The following ASAP3 variants were observed in gnomAD, a reference collection of about 807,000 sequenced individuals.
The protein encoded by ASAP3 is ArfGAP with SH3 domain, ankyrin repeat and PH domain 3, also known as arf-GAP with SH3 domain, ANK repeat and PH domain-containing protein 3.
A neutral mutation model predicts 118.2 loss-of-function variants in ASAP3; 85 were observed. The ratio of observed to expected loss-of-function variants is 0.72; its 90% CI spans 0.60 to 0.86. ASAP3 has a LOEUF of 0.86. Among genes scored for constraint, ASAP3 ranks in the 40% least tolerant of loss-of-function variants. The pLI, the probability that ASAP3 is intolerant of heterozygous loss-of-function variation, is 0.00. For synonymous variants in ASAP3, 432 were observed against 477.4 expected, an observed-to-expected ratio of 0.90 and a Z score of 1.24; for missense variants, 1,026 against 1,175.0, an observed-to-expected ratio of 0.87 and a Z score of 1.85.
chr1:23,472,999 T>A (rs1642009092), intron 1 of ASAP3, among the ~76,000 whole-genome samples: 1 of 152,174 alleles, frequency 6.6e-6, no homozygotes, highest in Non-Finnish European at 1.5e-5. Context: ...CTCAGCCACA[T>A]CCCTGTATGC....
intron 23 of ASAP3, among the ~76,000 whole-genome samples, chr1:23,431,444 G>T (rs1051298829): frequency 6.6e-6 from 1 of 152,194 alleles, no homozygotes; most frequent in Non-Finnish European, 1.5e-5. Flanking sequence ...CCACACAGGG[G>T]GCTAAGCCTA....
chr1:23,429,558 G>T lies in ASAP3; in HGVS notation c.*298C>A. 3.6e-6 allele frequency: 1 copy of T among 279,494 alleles called. No homozygotes were observed. The highest frequency in any genetic ancestry group is 6.9e-5 in the South Asian group (1 of 14,444). The allele number at this position is 279,494 out of a possible 1,614,324, so 17.3% of individuals were successfully genotyped here. A position where few individuals can be genotyped will look rare whatever the true frequency, so the allele number is the denominator to read the frequency against. On this transcript the variant is annotated 3_prime_UTR_variant, in exon 25 of 25. Coordinates refer to ENST00000336689, the MANE Select transcript of ASAP3 (RefSeq NM_017707.4). ...GGAAATAGAGTCTCGATCTGATGAG[G>T]GACTGAGAGTTCTGCAGCTGAAGCC...
chr1:23,439,012 G>A (rs1423190288), intron 11 of ASAP3, 149 bp downstream of exon 11: 6 of 1,118,062 alleles, frequency 5.4e-6, no homozygotes, highest in Non-Finnish European at 6.5e-6. Flanking sequence ...GGGCCTTCAG[G>A]TCCCATCTGT....
rs1362357260 is a variant in ASAP3, at chr1:23,442,273, TAGG to T, written c.586-5_586-3del. The stretch of plus-strand genomic sequence containing the variant: ...GCTCTCCCCGGCTTTGAGCAGATAC[TAGG>T]AGGAGGGCAGGGCAAGATACGTGAT... On this transcript the variant is annotated splice_region_variant and splice_polypyrimidine_tract_variant and intron_variant, in intron 6 of 24. Coordinates refer to ENST00000336689, the MANE Select transcript of ASAP3 (RefSeq NM_017707.4). 3.1e-6 allele frequency: 5 copies of T among 1,601,936 alleles called. No individual in the cohort carries two copies. Among genetic ancestry groups the T allele is most frequent in the Non-Finnish European group, 8.5e-7 (1 of 1,174,732 alleles).
intron 3 of ASAP3, 112 bp from the exon 4 acceptor site, chr1:23,452,883 T>A: frequency 9.7e-7 from 1 of 1,027,068 alleles, no homozygotes; most frequent in Non-Finnish European, 1.5e-6. Flanking sequence ...GGAAGGGAAG[T>A]AGGGGAGAGG....
In ASAP3 at chr1:23,433,671, A is replaced by G; in HGVS notation, c.1974T>C (p.Ala658=). 1 of 1,614,170 alleles carries G rather than the reference A, an allele frequency of 6.2e-7. No individual in the cohort carries two copies. The highest frequency in any genetic ancestry group is 8.5e-7 in the Non-Finnish European group (1 of 1,180,026). Residue 658 remains alanine (A), a synonymous_variant, in exon 20 of 25, where the codon GCT becomes GCC. Transcript: ENST00000336689. ...GGTGCTTCTTCCTGGCTATGTCCAGAGCTGTCTCGCCTGCTTCATTTACTG... is the reference window on the plus strand; with the variant it reads ...GGTGCTTCTTCCTGGCTATGTCCAGGGCTGTCTCGCCTGCTTCATTTACTG... The part of the protein sequence containing the change: ...VGTVNEAGET[A]LDIARKKHHK...
In ASAP3 at chr1:23,433,232, C is replaced by A; in HGVS notation, c.2168G>T (p.Ser723Ile). The part of the protein sequence containing the change: ...LKLPAQAHWA[S>I]GRLDISNKTY... ...CTTGTTGCTGATGTCCAGCCTCCCA[C>A]TGGCCCAGTGAGCCTGGGCCGGGAG... The change falls in exon 22 of 25, where the codon AGT becomes ATT. Residue 723 changes from serine to isoleucine, a missense_variant. Physicochemically the swap from Ser to Ile is moderately radical, Grantham distance 142. Transcript: ENST00000336689. 6.2e-7 allele frequency: 1 copy of A among 1,612,810 alleles called. No homozygotes were observed. Among genetic ancestry groups the A allele is most frequent in the African/African-American group, 1.3e-5 (1 of 75,008 alleles).
chr1:23,434,397 G>C (rs1193264951), intron 18 of ASAP3, 28 bp from the exon 19 acceptor site: 6 of 1,612,606 alleles, frequency 3.7e-6, no homozygotes, highest in African/African-American at 2.7e-5. Context: ...CAGGGAGAAA[G>C]GAAGGGGAAC....
At chr1:23,456,318 T>C (rs1641385547) in intron 1 of ASAP3, 124 bp from the exon 2 acceptor site, 8 of 908,754 alleles carry the variant, frequency 8.8e-6, no homozygotes, top group Non-Finnish European at 1.3e-5. Context: ...TGAGTTTTGC[T>C]GTCCTCTGGA....
At chr1:23,457,849 C>T (rs1262487842) in intron 1 of ASAP3, among the ~76,000 whole-genome samples, 1 of 152,158 alleles carries the variant, frequency 6.6e-6, no homozygotes, top group African/African-American at 2.4e-5. Flanking sequence ...CCTGATTAGC[C>T]ATGTGTAAAA....
chr1:23,456,878 G>A (rs369004975), intron 1 of ASAP3, among the ~76,000 whole-genome samples: 4 of 152,260 alleles, frequency 2.6e-5, no homozygotes, highest in East Asian at 3.9e-4. Flanking sequence ...CACCACTGGG[G>A]AGAACTGGAG....
chr1:23,444,962 G>GC (rs1266722255), intron 5 of ASAP3, among the ~76,000 whole-genome samples: 1 of 82,726 alleles, frequency 1.2e-5, no homozygotes, highest in Non-Finnish European at 3.0e-5. Flanking sequence ...GGCTCTGTAG[G>GC]CTTTTTTTTT....
chr1:23,465,767 G>T (rs1273206289), intron 1 of ASAP3, among the ~76,000 whole-genome samples: 2 of 152,166 alleles, frequency 1.3e-5, no homozygotes, highest in African/African-American at 2.4e-5. Flanking sequence ...CTCCCAAAGT[G>T]CTGGGATTAC....
rs1328713889 is a variant in ASAP3 at position 23,438,760 on chromosome 1, G to A, written c.1089C>T (p.Phe363=). Residue 363 remains phenylalanine, a synonymous_variant, in exon 12 of 25, where the codon TTC becomes TTT. Transcript: ENST00000336689. The surrounding 1 kb of genome is among the most constrained non-coding windows in gnomAD (Gnocchi z 4.9). ...GGGACCACTCACGGGTCACCAGGTC[G>A]AAGCACTTTTTCTCCTCAGGGTTTG... ...VRPNPEEKKC[F]DLVTHNRTYH... is the part of the protein sequence containing the mutation. 1.3e-5 allele frequency: 21 copies of A among 1,614,018 alleles called. No homozygotes were observed. Among genetic ancestry groups the A allele is most frequent in the East Asian group, 2.2e-5 (1 of 44,888 alleles).
intron 6 of ASAP3, 71 bp from the exon 7 acceptor site, chr1:23,442,342 C>G: frequency 6.4e-7 from 1 of 1,565,028 alleles, no homozygotes; most frequent in South Asian, 1.2e-5. Flanking sequence ...GGCTGCAGTC[C>G]CCATCCCAGG....
chr1:23,459,289 A>G (rs550115141), intron 1 of ASAP3, among the ~76,000 whole-genome samples: 1 of 152,246 alleles, frequency 6.6e-6, no homozygotes, highest in East Asian at 1.9e-4. Flanking sequence ...TACCTAAATG[A>G]ATGATGGTTT....
intron 3 of ASAP3, among the ~76,000 whole-genome samples, chr1:23,453,066 T>A (rs1641273596): frequency 6.6e-6 from 1 of 152,090 alleles, no homozygotes; most frequent in African/African-American, 2.4e-5. Context: ...CCGAGGTGTG[T>A]CAGAGTGAGC....
chr1:23,455,008 G>T (rs1224279564), intron 3 of ASAP3, among the ~76,000 whole-genome samples: 1 of 152,238 alleles, frequency 6.6e-6, no homozygotes, highest in African/African-American at 2.4e-5. Context: ...AGGATGCTGG[G>T]TAGGACTGGA....
intron 1 of ASAP3, among the ~76,000 whole-genome samples, chr1:23,457,390 T>G (rs188990162): frequency 6.6e-6 from 1 of 152,296 alleles, no homozygotes; most frequent in East Asian, 1.9e-4. Context: ...AGAACATGCA[T>G]AGGGCAGAAC....
Sources: allele counts gnomAD v4.1 joint callset (sites outside exome capture counted in the v4.1 genomes callset), GRCh38; gene constraint gnomAD v4.1.1; non-coding constraint Gnocchi (gnomAD v3.1); transcripts MANE v1.5; gene names NCBI Gene and HGNC (gene_info 2026-07-23, HGNC 2026-07-21).